Variants in RB1CC1 observed in about 807,000 individuals in gnomAD.
RB1CC1 encodes RB1 inducible coiled-coil 1.
A neutral mutation model predicts 177.5 loss-of-function variants in RB1CC1; 46 were observed. The ratio of observed to expected loss-of-function variants is 0.26; its 90% CI spans 0.20 to 0.33. The LOEUF is 0.33. RB1CC1 is among the 10% of genes least tolerant of loss of function. RB1CC1 has a pLI of 1.00. For missense variants in RB1CC1, 1,703 were observed against 1,816.3 expected, an observed-to-expected ratio of 0.94 and a Z score of 1.13; for synonymous variants, 666 against 613.6, an observed-to-expected ratio of 1.09 and a Z score of -1.26.
chr8:52,636,765 T>TCTC (rs1849174804), intron 18 of RB1CC1, among the ~76,000 whole-genome samples: 1 of 152,078 alleles, frequency 6.6e-6, no homozygotes, highest in Non-Finnish European at 1.5e-5. Context: ...CCTGCGCATA[T>TCTC]GGTGAGGAAA....
chr8:52,675,734 A>AC (rs1276600714), intron 6 of RB1CC1, among the ~76,000 whole-genome samples: 26 of 149,978 alleles, frequency 1.7e-4, no homozygotes, highest in African/African-American at 6.1e-4. Context: ...AAAAAAAAAA[A>AC]AAATTAGCTG....
In RB1CC1 at chr8:52,660,582, A is replaced by C; in HGVS notation, c.1689+14T>G. On this transcript the variant is annotated intron_variant, in intron 12 of 23. Coordinates refer to ENST00000025008, the MANE Select transcript of RB1CC1 (RefSeq NM_014781.5). ...CATATGGAATTTAGTCATGGTTAGAAAATAAATACATACACAAAAGGAAGG... is the reference window on the plus strand; with the variant it reads ...CATATGGAATTTAGTCATGGTTAGACAATAAATACATACACAAAAGGAAGG... 3.6e-5 allele frequency: 57 copies of C among 1,572,940 alleles called. No homozygotes were observed. The highest frequency in any genetic ancestry group is 4.9e-5 in the Non-Finnish European group (57 of 1,163,066).
intron 12 of RB1CC1, among the ~76,000 whole-genome samples, chr8:52,659,210 C>A (rs539803733): frequency 6.6e-6 from 1 of 152,266 alleles, no homozygotes; most frequent in Admixed American, 6.5e-5. Flanking sequence ...TGTTCCTCCC[C>A]TTCTCTGCTT....
intron 6 of RB1CC1, among the ~76,000 whole-genome samples, chr8:52,675,687 G>A (rs1197088565): frequency 1.4e-5 from 2 of 146,772 alleles, no homozygotes; most frequent in African/African-American, 2.5e-5. Context: ...TGCCTAACAC[G>A]GTGAAACCCC....
chr8:52,685,185 G>A (rs1239399485), intron 3 of RB1CC1, among the ~76,000 whole-genome samples: 1 of 151,942 alleles, frequency 6.6e-6, no homozygotes, highest in South Asian at 2.1e-4. Flanking sequence ...TGTATTTTTA[G>A]TAGGAACGGG....
rs559377866 is a variant in RB1CC1 at position 52,638,058 on chromosome 8, C to T, written c.4338-1989G>A. 4.8e-4 allele frequency among the ~76,000 whole-genome samples: 73 copies of T among 152,228 alleles called. No individual in the cohort carries two copies. In the South Asian group the frequency reaches 9.1e-3, roughly 19 times the overall value. On this transcript the variant is annotated intron_variant, in intron 18 of 23. Transcript: ENST00000025008. ...AGCAGCAGTGGCAAGAGCAGGCCAT[C>T]TTCATCTTGATTTTAGGGGAAAAGC...
At chr8:52,633,770 A>G (rs549153576) in intron 20 of RB1CC1, among the ~76,000 whole-genome samples, 2 of 152,176 alleles carry the variant, frequency 1.3e-5, no homozygotes, top group Non-Finnish European at 2.9e-5. Context: ...TTAAATTCAC[A>G]GGTTAAAGCC....
At chr8:52,699,098 AATTGGTAATACT>A (rs1855754687) in intron 1 of RB1CC1, among the ~76,000 whole-genome samples, 1 of 152,140 alleles carries the variant, frequency 6.6e-6, no homozygotes, top group African/African-American at 2.4e-5. Flanking sequence ...GTAGGTACTG[AATTGGTAATACT>A]CCAGTAAAAC....
intron 1 of RB1CC1, among the ~76,000 whole-genome samples, chr8:52,703,130 G>A (rs1245364544): frequency 6.6e-6 from 1 of 151,062 alleles, no homozygotes; most frequent in African/African-American, 2.4e-5. Context: ...AAAAAAAAAA[G>A]TAATCAACTT....
chr8:52,662,498 T>C (rs935761341), intron 8 of RB1CC1, among the ~76,000 whole-genome samples: 11 of 152,096 alleles, frequency 7.2e-5, no homozygotes, highest in African/African-American at 2.7e-4. Flanking sequence ...ACATACTTTA[T>C]TGCTACCACA....
At chr8:52,644,269 G>GA (rs1219434831) in intron 16 of RB1CC1, among the ~76,000 whole-genome samples, 1 of 152,036 alleles carries the variant, frequency 6.6e-6, no homozygotes, top group East Asian at 1.9e-4. Context: ...ACACATCATG[G>GA]AAAATTGGAA....
intron 18 of RB1CC1, among the ~76,000 whole-genome samples, chr8:52,640,915 AAAAC>A (rs1183036162): frequency 2.6e-5 from 4 of 152,124 alleles, no homozygotes; most frequent in South Asian, 2.1e-4. Context: ...TTATTTTTCA[AAAAC>A]AAACAAACAA....
At chr8:52,713,699 C>T (rs1857251809) in intron 1 of RB1CC1, among the ~76,000 whole-genome samples, 1 of 152,254 alleles carries the variant, frequency 6.6e-6, no homozygotes. Context: ...GTTCGGACGT[C>T]CCTCGCCCTC....
Position 52,661,572 on chromosome 8 carries a change from T to C in RB1CC1, c.1321A>G (p.Lys441Glu). Residue 441 changes from lysine to glutamate, a missense_variant, in exon 9 of 24, where the codon AAA (lysine) becomes GAA (glutamate). By Grantham distance (56) the Lys-to-Glu change is moderately conservative. Coordinates refer to ENST00000025008, the MANE Select transcript of RB1CC1 (RefSeq NM_014781.5). The part of the protein sequence containing the change: ...LDIKQKCTTA[K>E]QELANNLHVR... ...TGTAGGTTATTTGCTAGTTCTTGTT[T>C]GGCAGTGGTACACTTCTGCTTAATA... 1.2e-6 allele frequency: 2 copies of C among 1,609,472 alleles called. No individual in the cohort carries two copies. The highest frequency in any genetic ancestry group is 1.7e-6 in the Non-Finnish European group (2 of 1,178,608).
At chr8:52,626,055 A>C (rs1848366815) in intron 22 of RB1CC1, among the ~76,000 whole-genome samples, 1 of 152,202 alleles carries the variant, frequency 6.6e-6, no homozygotes, top group Admixed American at 6.5e-5. Flanking sequence ...AGAGCAAACT[A>C]GCACTTCACA....
chr8:52,637,054 T>G (rs1286072361), intron 18 of RB1CC1, among the ~76,000 whole-genome samples: 1 of 152,186 alleles, frequency 6.6e-6, no homozygotes, highest in Non-Finnish European at 1.5e-5. Context: ...TTTGGCTATT[T>G]TGGGACTCTT....
intron 13 of RB1CC1, among the ~76,000 whole-genome samples, chr8:52,658,598 A>C (rs1307362545): frequency 6.6e-6 from 1 of 151,422 alleles, no homozygotes; most frequent in Non-Finnish European, 1.5e-5. Flanking sequence ...AAAAAAAAAA[A>C]AAAGTAAAAA....
chr8:52,660,706 C>A (rs1355767938), intron 11 of RB1CC1, 49 bp from the exon 12 acceptor site: 2 of 1,482,716 alleles, frequency 1.3e-6, no homozygotes, highest in African/African-American at 1.4e-5. Flanking sequence ...TTATTTAAGG[C>A]AAAAAATTAT....
chr8:52,655,605 T>C (rs1403433713), intron 15 of RB1CC1, among the ~76,000 whole-genome samples: 1 of 151,984 alleles, frequency 6.6e-6, no homozygotes, highest in Non-Finnish European at 1.5e-5. Flanking sequence ...TAGTAAACAA[T>C]ATACAGAACA....
Sources: allele counts gnomAD v4.1 joint callset (sites outside exome capture counted in the v4.1 genomes callset), GRCh38; gene constraint gnomAD v4.1.1; transcripts MANE v1.5; gene names NCBI Gene and HGNC (gene_info 2026-07-23, HGNC 2026-07-21).